THSD7B: variants seen among roughly 807,000 people sequenced by gnomAD.
THSD7B encodes thrombospondin type-1 domain-containing protein 7B.
In THSD7B, 138 loss-of-function variants were observed where a neutral mutation model predicts 213.6. The observed-to-expected ratio is 0.65, with a 90% CI of 0.56 to 0.74. The LOEUF (loss-of-function observed/expected upper bound fraction) is 0.74. Among genes scored for constraint, THSD7B ranks in the 30% least tolerant of loss-of-function variants. The probability of loss-of-function intolerance (pLI) is 0.00; values close to 1 mark genes in which losing one functional copy is unlikely to be tolerated. For missense variants in THSD7B, 1,931 were observed against 1,991.5 expected (o/e 0.97, Z 0.58); for synonymous variants, 742 against 687.0 (o/e 1.08, Z -1.25).
At chr2:136,993,772 G>A (rs559571941) in intron 2 of THSD7B, among the ~76,000 whole-genome samples, 1 of 152,318 alleles carries the variant, frequency 6.6e-6, no homozygotes, top group East Asian at 1.9e-4. Flanking sequence ...GGAGGCCTCT[G>A]AGACAGGGAA....
At chr2:136,995,534 A>C (rs1286089932) in intron 2 of THSD7B, among the ~76,000 whole-genome samples, 1 of 152,154 alleles carries the variant, frequency 6.6e-6, no homozygotes, top group East Asian at 1.9e-4. Context: ...TAGTCTGAGT[A>C]GTAAAAAGAA....
At chr2:137,114,868 CT>C (rs1688416615) in intron 4 of THSD7B, among the ~76,000 whole-genome samples, 1 of 152,178 alleles carries the variant, frequency 6.6e-6, no homozygotes, top group African/African-American at 2.4e-5. Flanking sequence ...CTGAGACACA[CT>C]CACTGTTTAT....
rs757844351 is a variant in THSD7B at position 136,891,909 on chromosome 2, T to G, written c.139+9592T>G. Among the ~76,000 whole-genome samples the G allele has an allele frequency of 7.9e-5, 12 of 152,232 alleles. 1 individual carries two copies. Among genetic ancestry groups the G allele is most frequent in the South Asian group, 4.1e-4 (2 of 4,834 alleles). On this transcript the variant is annotated intron_variant, in intron 2 of 27. Coordinates refer to ENST00000409968, the MANE Select transcript of THSD7B (RefSeq NM_001316349.2). ...AGTGTTCTCACTTGGGTTCGTTCTC[T>G]TGTGCCATTGTAATCAGCTGGTTCA...
chr2:137,412,121 G>A (rs546653930), intron 14 of THSD7B, among the ~76,000 whole-genome samples: 41 of 152,170 alleles, frequency 2.7e-4, no homozygotes, highest in Admixed American at 2.1e-3. Flanking sequence ...TTTATTAGCC[G>A]CCTGTTTACT....
chr2:137,428,829 T>C (rs1687114641), intron 14 of THSD7B, among the ~76,000 whole-genome samples: 2 of 152,212 alleles, frequency 1.3e-5, no homozygotes, highest in Non-Finnish European at 2.9e-5. Flanking sequence ...AGTAGGACTT[T>C]TAGGGGTGAT....
In THSD7B at chr2:137,232,967, C is replaced by A. The variant is rs767320389; in HGVS notation, c.1984C>A (p.Gln662Lys). 4.3e-6 allele frequency: 7 copies of A among 1,613,948 alleles called. No homozygotes were observed. Among genetic ancestry groups the A allele is most frequent in the Non-Finnish European group, 4.2e-6 (5 of 1,179,836 alleles). ...TTTGTGTAATGACCATTCCTGTATG[C>A]AGCTTCACTGGGAGACATCGCCTTG... ...HRLCNDHSCM[Q>K]LHWETSPWGP... The change falls in exon 9 of 28, where the codon CAG (glutamine) becomes AAG (lysine). Residue 662 changes from glutamine (Q) to lysine (K), a missense_variant. Transcript: ENST00000409968.
intron 15 of THSD7B, among the ~76,000 whole-genome samples, chr2:137,544,531 T>C (rs1680671406): frequency 6.6e-6 from 1 of 151,796 alleles, no homozygotes; most frequent in Non-Finnish European, 1.5e-5. Context: ...ATAGTGGTTA[T>C]GGATGGACAA....
At chr2:137,123,913 C>T (rs530803781) in intron 5 of THSD7B, among the ~76,000 whole-genome samples, 5 of 152,216 alleles carry the variant, frequency 3.3e-5, no homozygotes, top group Non-Finnish European at 5.9e-5. Flanking sequence ...TGATAGACTT[C>T]GCAACGGTTA....
intron 1 of THSD7B, among the ~76,000 whole-genome samples, chr2:136,863,997 G>A (rs1353208978): frequency 6.6e-6 from 1 of 152,152 alleles, no homozygotes; most frequent in East Asian, 1.9e-4. Flanking sequence ...TAAGCTTTGT[G>A]CTGCATGACG....
At chr2:136,934,338 A>G (rs548357361) in intron 2 of THSD7B, among the ~76,000 whole-genome samples, 14 of 152,336 alleles carry the variant, frequency 9.2e-5, no homozygotes, top group Admixed American at 6.5e-4. Flanking sequence ...GGCTGAAAAC[A>G]TGTTAGCTAT....
chr2:137,586,520 G>A (rs1054290464), intron 17 of THSD7B, among the ~76,000 whole-genome samples: 1 of 152,184 alleles, frequency 6.6e-6, no homozygotes, highest in Non-Finnish European at 1.5e-5. Flanking sequence ...AGCTCTTATA[G>A]GGCAGGCTTG....
chr2:137,143,146 G>C (rs1285822086), intron 5 of THSD7B, among the ~76,000 whole-genome samples: 1 of 152,026 alleles, frequency 6.6e-6, no homozygotes, highest in Non-Finnish European at 1.5e-5. Flanking sequence ...TTATGCCCTG[G>C]CTATGCCTGG....
chr2:137,232,071 G>A (rs1181213109), intron 8 of THSD7B, among the ~76,000 whole-genome samples: 5 of 152,180 alleles, frequency 3.3e-5, no homozygotes, highest in African/African-American at 1.2e-4. Flanking sequence ...TCTGGAAGGA[G>A]TGAATGGGAA....
intron 20 of THSD7B, among the ~76,000 whole-genome samples, chr2:137,625,601 G>C (rs13423134): frequency 0.31 from 46,665 of 152,162 alleles, 7,814 homozygotes; most frequent in African/African-American, 0.43. Flanking sequence ...CATGTCCTGG[G>C]CATACTGGTG....
chr2:137,311,529 C>A (rs910116329), intron 12 of THSD7B, among the ~76,000 whole-genome samples: 1 of 152,082 alleles, frequency 6.6e-6, no homozygotes, highest in African/African-American at 2.4e-5. Context: ...CTGAACAGAA[C>A]TTCCAACACT....
chr2:137,435,555 A>G (rs985948711), intron 14 of THSD7B, among the ~76,000 whole-genome samples: 4 of 152,168 alleles, frequency 2.6e-5, no homozygotes, highest in Non-Finnish European at 5.9e-5. Context: ...GTTATCTTGA[A>G]GGTCATTATC....
At chr2:136,956,789 C>A (rs1377421075) in intron 2 of THSD7B, among the ~76,000 whole-genome samples, 1 of 151,734 alleles carries the variant, frequency 6.6e-6, no homozygotes, top group Non-Finnish European at 1.5e-5. Flanking sequence ...AAGTGATTCT[C>A]CTGCCTCAGC....
intron 12 of THSD7B, among the ~76,000 whole-genome samples, chr2:137,299,592 C>T (rs543742360): frequency 9.2e-5 from 14 of 151,950 alleles, no homozygotes; most frequent in African/African-American, 3.4e-4. Context: ...GGTGAGGCTA[C>T]AAAATAACAA....
chr2:136,926,060 T>G (rs1317787964), intron 2 of THSD7B, among the ~76,000 whole-genome samples: 1 of 152,184 alleles, frequency 6.6e-6, no homozygotes, highest in East Asian at 1.9e-4. Context: ...AAAAAGCTTC[T>G]TGATCAACTT....
Sources: gnomAD v4.1 joint callset for allele counts (sites outside exome capture counted in the v4.1 genomes callset) on GRCh38, gnomAD v4.1.1 for gene constraint, MANE v1.5 for transcripts, NCBI Gene and HGNC (gene_info 2026-07-23, HGNC 2026-07-21) for gene names.